SCHIP1: variants seen among roughly 807,000 people sequenced by gnomAD.
SCHIP1 encodes schwannomin-interacting protein 1.
SCHIP1 carries 8 observed loss-of-function variants against 29.7 expected under a neutral mutation model. The ratio of observed to expected loss-of-function variants is 0.27; its 90% CI spans 0.16 to 0.49. The LOEUF (loss-of-function observed/expected upper bound fraction) is 0.49, where lower values mean the gene tolerates loss of function less well. SCHIP1 is among the 20% of genes least tolerant of loss of function. The pLI is 0.99. For missense variants in SCHIP1, 193 were observed against 294.6 expected, an observed-to-expected ratio of 0.66 and a Z score of 2.52; for synonymous variants, 76 against 94.9, an observed-to-expected ratio of 0.80 and a Z score of 1.16.
chr3:159,431,099 G>C, the SCHIP1 span, among the ~76,000 whole-genome samples: 5 of 152,212 alleles, frequency 3.3e-5, no homozygotes, highest in East Asian at 9.7e-4. Flanking sequence ...GAGAATTTGA[G>C]AAGTAGAGCA....
At chr3:159,888,685 A>G in intron 4 of SCHIP1, 135 bp from the exon 6 acceptor site, 1 of 1,354,154 alleles carries the variant, frequency 7.4e-7, no homozygotes, top group South Asian at 1.5e-5. Flanking sequence ...TGGGAAAGAC[A>G]CAGACTGGGA....
chr3:159,856,833 A>G (rs1185623151), intron 1 of SCHIP1, among the ~76,000 whole-genome samples: 1 of 152,220 alleles, frequency 6.6e-6, no homozygotes, highest in Non-Finnish European at 1.5e-5. Flanking sequence ...TAAAAGGTGA[A>G]TGGAAATGAC....
intron 6 of SCHIP1, chr3:159,893,529 A>C (rs1348922617): frequency 6.6e-6 from 1 of 152,128 alleles, no homozygotes; most frequent in Non-Finnish European, 1.5e-5. Context: ...AAAATATATA[A>C]ATTCTTGTAA....
At chr3:159,379,639 A>T in the SCHIP1 span, among the ~76,000 whole-genome samples, 545 of 119,900 alleles carry the variant, frequency 4.5e-3, 2 homozygotes, top group African/African-American at 0.018. Context: ...TGCAACACCT[A>T]CAAGTTCCAT....
the SCHIP1 span, among the ~76,000 whole-genome samples, chr3:159,794,199 T>G: frequency 6.6e-6 from 1 of 152,192 alleles, no homozygotes; most frequent in Non-Finnish European, 1.5e-5. Flanking sequence ...TTTTCTCATT[T>G]GAGTACAGAA....
the SCHIP1 span, among the ~76,000 whole-genome samples, chr3:159,471,157 G>A: frequency 6.6e-6 from 1 of 152,062 alleles, no homozygotes; most frequent in Admixed American, 6.6e-5. Flanking sequence ...AATAAAAAGT[G>A]AACCATTAAA....
At chr3:159,484,136 G>A in the SCHIP1 span, among the ~76,000 whole-genome samples, 1 of 152,130 alleles carries the variant, frequency 6.6e-6, no homozygotes, top group East Asian at 1.9e-4. Context: ...CATGATCATA[G>A]GAGTTTATAC....
chr3:159,430,195 T>A, the SCHIP1 span, among the ~76,000 whole-genome samples: 4 of 152,186 alleles, frequency 2.6e-5, no homozygotes, highest in African/African-American at 4.8e-5. Context: ...TTCTGATTTT[T>A]AAAAAATAAT....
chr3:159,786,744 T>G, the SCHIP1 span, among the ~76,000 whole-genome samples: 1 of 150,418 alleles, frequency 6.6e-6, no homozygotes, highest in Non-Finnish European at 1.5e-5. Flanking sequence ...TGTGGTGTGA[T>G]TGTGGTCTGT....
the SCHIP1 span, among the ~76,000 whole-genome samples, chr3:159,552,203 G>A: frequency 1.2e-3 from 185 of 151,812 alleles, 1 homozygote; most frequent in South Asian, 8.3e-3. Flanking sequence ...ACGCCACCAC[G>A]TCTAGCTGGT....
At chr3:159,642,269 T>A in the SCHIP1 span, among the ~76,000 whole-genome samples, 2 of 152,114 alleles carry the variant, frequency 1.3e-5, no homozygotes, top group Non-Finnish European at 2.9e-5. Context: ...AATACTGATA[T>A]CGAGATTTTT....
chr3:159,706,755 C>G, the SCHIP1 span, among the ~76,000 whole-genome samples: 1 of 152,052 alleles, frequency 6.6e-6, no homozygotes, highest in Non-Finnish European at 1.5e-5. Flanking sequence ...GTGGTCAGAC[C>G]TATTCAAAAA....
the SCHIP1 span, among the ~76,000 whole-genome samples, chr3:159,312,168 A>G: frequency 1.3e-5 from 2 of 152,164 alleles, no homozygotes; most frequent in Non-Finnish European, 2.9e-5. Flanking sequence ...GATCTCCTAT[A>G]TTAATATTTT....
intron 1 of SCHIP1, among the ~76,000 whole-genome samples, chr3:159,860,342 G>A (rs762596803): frequency 6.6e-6 from 1 of 152,144 alleles, no homozygotes; most frequent in African/African-American, 2.4e-5. Context: ...AAGATCTCCT[G>A]CAAAACCTCT....
chr3:159,639,315 C>T, the SCHIP1 span, among the ~76,000 whole-genome samples: 4 of 152,090 alleles, frequency 2.6e-5, no homozygotes, highest in Non-Finnish European at 4.4e-5. Context: ...TCCTTTTTCA[C>T]GTGCATGTGA....
At chr3:159,791,776 G>T in the SCHIP1 span, among the ~76,000 whole-genome samples, 1 of 152,162 alleles carries the variant, frequency 6.6e-6, no homozygotes, top group Non-Finnish European at 1.5e-5. Flanking sequence ...ATAAAACAGG[G>T]TAATATTAGT....
chr3:159,600,375 C>A, the SCHIP1 span, among the ~76,000 whole-genome samples: 1 of 152,144 alleles, frequency 6.6e-6, no homozygotes, highest in Non-Finnish European at 1.5e-5. Context: ...GTCATGCAGG[C>A]TTTGCTCATA....
the SCHIP1 span, among the ~76,000 whole-genome samples, chr3:159,507,952 G>C: frequency 1.3e-5 from 2 of 152,156 alleles, no homozygotes; most frequent in Non-Finnish European, 1.5e-5. Flanking sequence ...TCTCTGCCAG[G>C]CTTTGGTATC....
chr3:159,471,671 T>C, the SCHIP1 span, among the ~76,000 whole-genome samples: 1 of 152,096 alleles, frequency 6.6e-6, no homozygotes, highest in Non-Finnish European at 1.5e-5. Context: ...TGTTTATTAT[T>C]GTACAATGCA....
Sources: gnomAD v4.1 joint callset for allele counts (sites outside exome capture counted in the v4.1 genomes callset) on GRCh38, gnomAD v4.1.1 for gene constraint, MANE v1.5 for transcripts, NCBI Gene and HGNC (gene_info 2026-07-23, HGNC 2026-07-21) for gene names.